Variants in UNC13C observed in about 807,000 individuals in gnomAD.
UNC13C encodes protein unc-13 homolog C.
In UNC13C, 174 loss-of-function variants were observed where a neutral mutation model predicts 245.4. That is an observed-to-expected ratio of 0.71 (90% CI 0.63 to 0.80). UNC13C has a LOEUF of 0.80. Among genes scored for constraint, UNC13C ranks in the 30% least tolerant of loss-of-function variants. The pLI is 0.00. For synonymous variants in UNC13C, 992 were observed against 895.1 expected (o/e 1.11, Z -1.93); for missense variants, 2,829 against 2,602.9 (o/e 1.09, Z -1.89).
Position 54,357,279 on chromosome 15 carries a change from A to G in UNC13C, c.4713+18790A>G, listed in dbSNP as rs555073604. 1.5e-3 allele frequency among the ~76,000 whole-genome samples: 222 copies of G among 152,168 alleles called. 1 individual carries two copies. The highest frequency in any genetic ancestry group is 2.0e-3 in the Non-Finnish European group (135 of 67,930). On this transcript the variant is annotated intron_variant, in intron 17 of 32. Transcript: ENST00000260323. ...GCAGTGTTTTATTATAAATTTCAAA[A>G]TAAAAGATAATTATGAAGTATAGAG...
At chr15:54,351,947 C>T (rs1169841922) in intron 17 of UNC13C, among the ~76,000 whole-genome samples, 2 of 151,798 alleles carry the variant, frequency 1.3e-5, no homozygotes, top group East Asian at 3.9e-4. Flanking sequence ...ATTCTAAAAT[C>T]AGGAGGTGTT....
chr15:54,530,915 T>C (rs1414254383), intron 25 of UNC13C, among the ~76,000 whole-genome samples: 1 of 152,112 alleles, frequency 6.6e-6, no homozygotes, highest in Non-Finnish European at 1.5e-5. Flanking sequence ...TTGGAAGCTA[T>C]TGAAGATTTT....
chr15:54,102,222 T>G (rs569785719), intron 2 of UNC13C, among the ~76,000 whole-genome samples: 1 of 151,946 alleles, frequency 6.6e-6, no homozygotes, highest in Admixed American at 6.6e-5. Flanking sequence ...TTTTCTTTCA[T>G]GTGCATGCAT....
intron 10 of UNC13C, among the ~76,000 whole-genome samples, chr15:54,278,946 G>T (rs1341191211): frequency 6.6e-6 from 1 of 151,910 alleles, no homozygotes. Flanking sequence ...GATCAAATTG[G>T]GTTGTTTTAT....
At chr15:54,219,286 A>G (rs2035145329) in intron 4 of UNC13C, among the ~76,000 whole-genome samples, 2 of 151,094 alleles carry the variant, frequency 1.3e-5, no homozygotes, top group Admixed American at 1.3e-4. Flanking sequence ...GCCCTCAGAA[A>G]TAATGCCACA....
intron 10 of UNC13C, among the ~76,000 whole-genome samples, chr15:54,268,821 T>A (rs953567558): frequency 1.3e-5 from 2 of 152,116 alleles, no homozygotes; most frequent in Non-Finnish European, 2.9e-5. Context: ...TTTTAAATCT[T>A]AATCTGGCCT....
At chr15:53,942,538 A>C in the UNC13C span, among the ~76,000 whole-genome samples, 1 of 151,682 alleles carries the variant, frequency 6.6e-6, no homozygotes, top group African/African-American at 2.4e-5. Context: ...CATCCTATAC[A>C]TGTACCCTGG....
At chr15:54,215,217 A>T (rs988830771) in intron 4 of UNC13C, among the ~76,000 whole-genome samples, 2 of 151,964 alleles carry the variant, frequency 1.3e-5, no homozygotes, top group Non-Finnish European at 2.9e-5. Flanking sequence ...CATTGTTCCC[A>T]AGCCTACCAT....
At chr15:53,991,757 TTTC>T (rs1454280258) in intron 1 of UNC13C, among the ~76,000 whole-genome samples, 3 of 152,058 alleles carry the variant, frequency 2.0e-5, no homozygotes, top group Non-Finnish European at 4.4e-5. Flanking sequence ...ATCCACATTG[TTTC>T]TGATAGTTAA....
At chr15:54,038,124 A>ATATATAAAAATTTTTTTTTTTTT in intron 2 of UNC13C, among the ~76,000 whole-genome samples, 1 of 45,040 alleles carries the variant, frequency 2.2e-5, no homozygotes, top group African/African-American at 1.1e-4. Context: ...ATATATATAT[A>ATATATAAAAATTTTTTTTTTTTT]TTTTTTTTTT....
At chr15:53,920,839 A>C in the UNC13C span, among the ~76,000 whole-genome samples, 2 of 150,180 alleles carry the variant, frequency 1.3e-5, no homozygotes, top group South Asian at 2.1e-4. Flanking sequence ...GTCCTCTTAG[A>C]GTTTGAATCT....
intron 2 of UNC13C, among the ~76,000 whole-genome samples, chr15:54,142,402 C>T (rs1251613364): frequency 6.6e-6 from 1 of 152,202 alleles, no homozygotes; most frequent in Non-Finnish European, 1.5e-5. Context: ...CATTTACTAG[C>T]TTTGTGATCT....
chr15:54,569,071 G>C (rs62023985), intron 30 of UNC13C, among the ~76,000 whole-genome samples: 8,313 of 152,100 alleles, frequency 0.055, 360 homozygotes, highest in Admixed American at 0.13. Context: ...CTCCCTCAAG[G>C]TTTTCTAAAC....
chr15:53,937,801 G>A, the UNC13C span, among the ~76,000 whole-genome samples: 4 of 95,112 alleles, frequency 4.2e-5, no homozygotes, highest in Non-Finnish European at 1.0e-4. Context: ...ATAAGTGACG[G>A]AGAACAATGT....
intron 1 of UNC13C, among the ~76,000 whole-genome samples, chr15:54,001,278 A>G (rs1339065786): frequency 6.6e-6 from 1 of 152,228 alleles, no homozygotes; most frequent in Admixed American, 6.5e-5. Context: ...CATGTCATAC[A>G]GTATAGTAAG....
intron 1 of UNC13C, among the ~76,000 whole-genome samples, chr15:53,981,412 A>C (rs1212252458): frequency 1.3e-5 from 2 of 152,198 alleles, no homozygotes; most frequent in Non-Finnish European, 2.9e-5. Context: ...TTTGTTTCTG[A>C]AATACACTTT....
intron 18 of UNC13C, among the ~76,000 whole-genome samples, chr15:54,406,699 C>G (rs1730300071): frequency 6.6e-6 from 1 of 152,116 alleles, no homozygotes; most frequent in East Asian, 1.9e-4. Flanking sequence ...AGTATAAAAG[C>G]ACCAATCCTG....
the UNC13C span, among the ~76,000 whole-genome samples, chr15:53,972,191 A>T: frequency 6.6e-6 from 1 of 152,228 alleles, no homozygotes; most frequent in Non-Finnish European, 1.5e-5. Context: ...TTCTGAAGAA[A>T]ACATTACTTA....
chr15:54,363,961 T>C (rs1439361729), intron 17 of UNC13C, among the ~76,000 whole-genome samples: 1 of 152,198 alleles, frequency 6.6e-6, no homozygotes, highest in African/African-American at 2.4e-5. Context: ...ACAAGTGTCA[T>C]ACATTTGCGT....
Sources: allele counts gnomAD v4.1 joint callset (sites outside exome capture counted in the v4.1 genomes callset), GRCh38; gene constraint gnomAD v4.1.1; transcripts MANE v1.5; gene names NCBI Gene and HGNC (gene_info 2026-07-23, HGNC 2026-07-21).